Variants in SPATA6L observed in about 807,000 individuals in gnomAD.
SPATA6L encodes spermatogenesis associated 6-like protein.
A neutral mutation model predicts 49.2 loss-of-function variants in SPATA6L; 68 were observed. The ratio of observed to expected loss-of-function variants is 1.38; its 90% confidence interval spans 1.14 to 1.69. SPATA6L has a LOEUF of 1.69. Among genes scored for constraint, SPATA6L ranks in the 40% most tolerant of loss-of-function variants. The pLI is 0.00. For synonymous variants in SPATA6L, 198 were observed against 165.7 expected (o/e 1.19, Z -1.50); for missense variants, 668 against 464.3 (o/e 1.44, Z -4.03).
At chr9:4,619,948 A>G (rs1828885948) in intron 7 of SPATA6L, among the ~76,000 whole-genome samples, 1 of 152,204 alleles carries the variant, frequency 6.6e-6, no homozygotes, top group Non-Finnish European at 1.5e-5. Context: ...TAAGGTCAGC[A>G]TGGCTTCCCC....
chr9:4,650,083 G>C (rs1215817983), intron 3 of SPATA6L, among the ~76,000 whole-genome samples: 1 of 152,124 alleles, frequency 6.6e-6, no homozygotes, highest in African/African-American at 2.4e-5. Flanking sequence ...TGCCTTGTTG[G>C]CTTCATGAGA....
chr9:4,629,769 G>GTATATA (rs35908661), intron 4 of SPATA6L, among the ~76,000 whole-genome samples: 1,317 of 101,900 alleles, frequency 0.013, 20 homozygotes, highest in East Asian at 0.044. Context: ...GTGTGTGTGT[G>GTATATA]TATATATATA....
chr9:4,656,023 G>C lies in SPATA6L; in HGVS notation c.226+18C>G, dbSNP rs1235916985. 3 of 1,602,538 alleles carry C rather than the reference G, an allele frequency of 1.9e-6. No individual in the cohort carries two copies. Among genetic ancestry groups the C allele is most frequent in the Non-Finnish European group, 2.6e-6 (3 of 1,173,124 alleles). ...CAATAGTCTTTTGGTTTTTTGTTTT[G>C]TTTTTCAGAGTACCTACTTTCCAAA... On this transcript the variant is annotated intron_variant, in intron 3 of 11. Coordinates refer to ENST00000682582, the MANE Select transcript of SPATA6L (RefSeq NM_001353486.2).
intron 3 of SPATA6L, among the ~76,000 whole-genome samples, chr9:4,647,053 C>T (rs1054031185): frequency 3.3e-5 from 5 of 151,498 alleles, no homozygotes; most frequent in Non-Finnish European, 7.4e-5. Flanking sequence ...CACATATACC[C>T]CTAAACCTAA....
At chr9:4,606,810 C>T (rs1825333910) in intron 9 of SPATA6L, among the ~76,000 whole-genome samples, 1 of 148,382 alleles carries the variant, frequency 6.7e-6, no homozygotes, top group Non-Finnish European at 1.5e-5. Flanking sequence ...CTTCGACGAG[C>T]TGAGAGAAGA....
chr9:4,661,758 G>GGTTTTGCTTCAAGGCCGACTGCA, intron 2 of SPATA6L, 141 bp downstream of exon 2: 2 of 1,102,612 alleles, frequency 1.8e-6, no homozygotes, highest in African/African-American at 1.6e-5. Context: ...TTCCGACTGC[G>GGTTTTGCTTCAAGGCCGACTGCA]GTTTTGCATT....
chr9:4,626,384 C>T (rs1243045200), intron 5 of SPATA6L: 2 of 1,296,088 alleles, frequency 1.5e-6, no homozygotes, highest in South Asian at 1.3e-5. Flanking sequence ...GTGAGCAGTG[C>T]CCCTCCTTTG....
In SPATA6L at chr9:4,662,022, T is replaced by C; in HGVS notation, c.54A>G (p.Gly18=). ...CATCTTGTTTGCCAGGCAGGAACACTCCTGGGCAAGAAATCTTAAAAAGAA... is the reference window on the plus strand; with the variant it reads ...CATCTTGTTTGCCAGGCAGGAACACCCCTGGGCAAGAAATCTTAAAAAGAA... ...ELQIRAISCP[G]VFLPGKQDVY... Residue 18 remains glycine, a synonymous_variant, in exon 2 of 12, where the codon GGA becomes GGG. Coordinates refer to ENST00000682582, the MANE Select transcript of SPATA6L (RefSeq NM_001353486.2). The surrounding 1 kb of genome is among the most constrained non-coding windows in gnomAD (Gnocchi z 4.9). 6.2e-7 allele frequency: 1 copy of C among 1,613,804 alleles called. No homozygotes were observed. Among genetic ancestry groups the C allele is most frequent in the Non-Finnish European group, 8.5e-7 (1 of 1,179,930 alleles).
chr9:4,624,719 CTCTG>C (rs1262565928), intron 6 of SPATA6L, among the ~76,000 whole-genome samples: 1 of 141,430 alleles, frequency 7.1e-6, no homozygotes, highest in African/African-American at 2.7e-5. Flanking sequence ...CAGCGCAAGA[CTCTG>C]TCTCAAAAAA....
At chr9:4,626,271 T>C (rs552667852) in intron 5 of SPATA6L, 58 of 756,410 alleles carry the variant, frequency 7.7e-5, no homozygotes, top group African/African-American at 3.1e-4. Flanking sequence ...ACTAGCCCCA[T>C]TGCACTCCTC....
chr9:4,659,388 A>G (rs1296704725), intron 2 of SPATA6L, among the ~76,000 whole-genome samples: 1 of 150,780 alleles, frequency 6.6e-6, no homozygotes, highest in Non-Finnish European at 1.5e-5. Context: ...AATAACAGAC[A>G]AACAGAGAGC....
chr9:4,611,872 G>T (rs1297937069), intron 9 of SPATA6L, among the ~76,000 whole-genome samples: 1 of 152,036 alleles, frequency 6.6e-6, no homozygotes, highest in African/African-American at 2.4e-5. Context: ...TTGTTTCACG[G>T]AGAGATTATC....
At chr9:4,635,225 C>T in intron 4 of SPATA6L, 50 bp downstream of exon 4, 1 of 1,461,484 alleles carries the variant, frequency 6.8e-7, no homozygotes, top group Non-Finnish European at 9.0e-7. Context: ...ACGTTCAGGT[C>T]CCAAGAGTTT....
intron 2 of SPATA6L, among the ~76,000 whole-genome samples, chr9:4,661,472 A>T (rs1839719992): frequency 6.7e-6 from 1 of 150,318 alleles, no homozygotes; most frequent in East Asian, 1.9e-4. Context: ...CCTTTTTGTT[A>T]CAGGATTTTA....
Position 4,662,439 on chromosome 9 carries a change from A to G in SPATA6L, c.40-403T>C. The G allele has an allele frequency of 6.5e-7, 1 of 1,544,954 alleles. No individual in the cohort carries two copies. The highest frequency in any genetic ancestry group is 8.7e-7 in the Non-Finnish European group (1 of 1,153,980). On this transcript the variant is annotated intron_variant, in intron 1 of 11. Coordinates refer to ENST00000682582, the MANE Select transcript of SPATA6L (RefSeq NM_001353486.2). The surrounding 1 kb of genome is among the most constrained non-coding windows in gnomAD (Gnocchi z 4.9). ...GGGCGTCTCCGCTTCGAGCAGCAGC[A>G]GCAGCCCCGGCAGCCCAGCCCATGG...
intron 3 of SPATA6L, among the ~76,000 whole-genome samples, chr9:4,655,396 T>C (rs1449137521): frequency 6.6e-6 from 1 of 152,138 alleles, no homozygotes; most frequent in Non-Finnish European, 1.5e-5. Context: ...TGGTGGGGAA[T>C]AGGGAGTGAT....
In SPATA6L at chr9:4,622,501, C is replaced by T; in HGVS notation, c.679G>A (p.Ala227Thr). ...PPFVVRHVDS[A>T]KPFGENISEH... The stretch of plus-strand genomic sequence containing the variant: ...GAAATATTCTCACCAAAGGGCTTTG[C>T]ACTGTCCACCTGAAAGTAAAGGAAA... Residue 227 changes from alanine (A) to threonine (T), a missense_variant, in exon 7 of 12, where the codon GCA becomes ACA. Coordinates refer to ENST00000682582, the MANE Select transcript of SPATA6L (RefSeq NM_001353486.2). 6.2e-7 allele frequency: 1 copy of T among 1,608,974 alleles called. No homozygotes were observed. Among genetic ancestry groups the T allele is most frequent in the Non-Finnish European group, 8.5e-7 (1 of 1,176,374 alleles).
In SPATA6L at chr9:4,629,166, G is replaced by T; in HGVS notation, c.354C>A (p.Gly118=). ...TAGAAAACTCTATTTTGGGAGCAATGCCCTATAAAACAGCATAAAAAAAGC... is the reference window on the plus strand; with the variant it reads ...TAGAAAACTCTATTTTGGGAGCAATTCCCTATAAAACAGCATAAAAAAAGC... The part of the protein sequence containing the change: ...VLMKTALGFP[G]IAPKIEFSTR... The change falls in exon 5 of 12, where the codon GGC becomes GGA. Residue 118 remains glycine, a splice_region_variant and synonymous_variant. Coordinates refer to ENST00000682582, the MANE Select transcript of SPATA6L (RefSeq NM_001353486.2). The T allele has an allele frequency of 6.4e-7, 1 of 1,574,406 alleles. No individual in the cohort carries two copies. Among genetic ancestry groups the T allele is most frequent in the Non-Finnish European group, 8.6e-7 (1 of 1,165,976 alleles).
intron 2 of SPATA6L, among the ~76,000 whole-genome samples, chr9:4,661,524 T>C (rs1429799585): frequency 6.6e-6 from 1 of 152,152 alleles, no homozygotes; most frequent in Non-Finnish European, 1.5e-5. Context: ...TTTTCGCTAT[T>C]TTTCTTGGTC....
Sources: allele counts gnomAD v4.1 joint callset (sites outside exome capture counted in the v4.1 genomes callset), GRCh38; gene constraint gnomAD v4.1.1; non-coding constraint Gnocchi (gnomAD v3.1); transcripts MANE v1.5; gene names NCBI Gene and HGNC (gene_info 2026-07-23, HGNC 2026-07-21).